RPS6KA2: variants seen among roughly 807,000 people sequenced by gnomAD.
RPS6KA2 encodes ribosomal protein S6 kinase A2.
A neutral mutation model predicts 91.8 loss-of-function variants in RPS6KA2; 42 were observed. The ratio of observed to expected loss-of-function variants is 0.46; its 90% confidence interval spans 0.36 to 0.59. The LOEUF is 0.59. Among genes scored for constraint, RPS6KA2 ranks in the 20% least tolerant of loss-of-function variants. The probability of loss-of-function intolerance (pLI) is 0.00; values close to 1 mark genes in which losing one functional copy is unlikely to be tolerated. For synonymous variants in RPS6KA2, 414 were observed against 393.6 expected (o/e 1.05, Z -0.61); for missense variants, 798 against 978.5 (o/e 0.82, Z 2.46).
intron 2 of RPS6KA2, among the ~76,000 whole-genome samples, chr6:166,802,745 T>A (rs996474203): frequency 6.6e-6 from 1 of 152,110 alleles, no homozygotes; most frequent in Non-Finnish European, 1.5e-5. Flanking sequence ...CGAAACTACA[T>A]CAGAATAAAG....
intron 1 of RPS6KA2, among the ~76,000 whole-genome samples, chr6:166,599,626 C>G (rs1353610638): frequency 2.0e-5 from 3 of 152,128 alleles, no homozygotes; most frequent in Non-Finnish European, 4.4e-5. Flanking sequence ...TCTAAAAATA[C>G]CAACCAACAG....
intron 2 of RPS6KA2, among the ~76,000 whole-genome samples, chr6:166,657,887 TTTC>T (rs1788047639): frequency 6.6e-6 from 1 of 152,054 alleles, no homozygotes; most frequent in South Asian, 2.1e-4. Context: ...GGAATTCACT[TTTC>T]TTTCTTTTTT....
In RPS6KA2 at chr6:166,820,244, C is replaced by T. The variant is rs539181366; in HGVS notation, c.123+37956G>A. ...TATGCTGTTACCTGTGCAGGTAAAACTGCCCCACCCACCGACCAGCCTCCC... is the reference window on the plus strand; with the variant it reads ...TATGCTGTTACCTGTGCAGGTAAAATTGCCCCACCCACCGACCAGCCTCCC... On this transcript the variant is annotated intron_variant, in intron 2 of 21. Transcript: ENST00000503859. 2.6e-5 allele frequency among the ~76,000 whole-genome samples: 4 copies of T among 152,278 alleles called. No individual in the cohort carries two copies. The East Asian group carries it at 7.7e-4, about 29-fold the overall frequency.
chr6:166,483,160 G>A (rs984617210), intron 10 of RPS6KA2, among the ~76,000 whole-genome samples: 2 of 152,218 alleles, frequency 1.3e-5, no homozygotes, highest in Non-Finnish European at 2.9e-5. Flanking sequence ...CACCTGGGAC[G>A]TCTATGTGTG....
At chr6:166,710,112 T>A (rs1789799421) in intron 2 of RPS6KA2, among the ~76,000 whole-genome samples, 1 of 152,244 alleles carries the variant, frequency 6.6e-6, no homozygotes, top group African/African-American at 2.4e-5. Flanking sequence ...TTTTTCCCTA[T>A]CCTTACAAAT....
At chr6:166,565,359 T>A (rs550612660) in intron 1 of RPS6KA2, among the ~76,000 whole-genome samples, 4 of 152,296 alleles carry the variant, frequency 2.6e-5, no homozygotes, top group South Asian at 2.1e-4. Flanking sequence ...TTCAGCCATT[T>A]CTCCAGCTTC....
intron 1 of RPS6KA2, among the ~76,000 whole-genome samples, chr6:166,573,774 G>A (rs1784758827): frequency 6.6e-6 from 1 of 152,186 alleles, no homozygotes; most frequent in Non-Finnish European, 1.5e-5. Flanking sequence ...GAAACAGTCT[G>A]GGAACTTCCC....
chr6:166,696,386 C>G (rs1398329262), intron 2 of RPS6KA2, among the ~76,000 whole-genome samples: 1 of 152,176 alleles, frequency 6.6e-6, no homozygotes, highest in Non-Finnish European at 1.5e-5. Context: ...AAGTTTATCT[C>G]TATCCTGGAC....
chr6:166,560,999 T>C (rs1260712092), intron 1 of RPS6KA2, among the ~76,000 whole-genome samples: 1 of 151,976 alleles, frequency 6.6e-6, no homozygotes, highest in Non-Finnish European at 1.5e-5. Context: ...TCCACACCCC[T>C]ACTAAATAAA....
At chr6:166,736,688 G>A (rs1194856612) in intron 2 of RPS6KA2, among the ~76,000 whole-genome samples, 1 of 152,152 alleles carries the variant, frequency 6.6e-6, no homozygotes. Context: ...CTGCATCCAT[G>A]AGGCTGGCCG....
rs569622492 is a variant in RPS6KA2 at position 166,793,451 on chromosome 6, G to A, written c.123+64749C>T. Among the ~76,000 whole-genome samples, 507 of 150,408 alleles carry A rather than the reference G, an allele frequency of 3.4e-3. 2 individuals carry two copies. Among genetic ancestry groups the A allele is most frequent in the African/African-American group, 0.012 (493 of 40,640 alleles). On this transcript the variant is annotated intron_variant, in intron 2 of 21. Transcript: ENST00000503859. Reference sequence around the variant, plus strand: ...GCCCAAGGTGATTTATAGATTCAATGCCATCCCCATCAAGCTACCAATGAC... The same window carrying A: ...GCCCAAGGTGATTTATAGATTCAATACCATCCCCATCAAGCTACCAATGAC...
rs1781765301 is a variant in RPS6KA2, at chr6:166,495,801, A to G, written c.747+2707T>C. ...GGAGTGCTGAGAAGACACCGAAGCCAGAGCCACCAGCCAGAGCCACCAACC... is the reference window on the plus strand; with the variant it reads ...GGAGTGCTGAGAAGACACCGAAGCCGGAGCCACCAGCCAGAGCCACCAACC... On this transcript the variant is annotated intron_variant, in intron 8 of 20. Transcript: ENST00000265678. This position sits in a 1 kb window ranked among gnomAD's most constrained non-coding sequence, Gnocchi z 4.4. Among the ~76,000 whole-genome samples, 1 of 152,190 alleles carries G rather than the reference A, an allele frequency of 6.6e-6. No homozygotes were observed.
chr6:166,487,017 G>T (rs936019306), intron 10 of RPS6KA2, among the ~76,000 whole-genome samples: 1 of 152,240 alleles, frequency 6.6e-6, no homozygotes, highest in Non-Finnish European at 1.5e-5. Flanking sequence ...TTGATTCAAT[G>T]ATTTCCTTAT....
chr6:166,694,362 G>T (rs558508509), intron 2 of RPS6KA2, among the ~76,000 whole-genome samples: 200 of 152,346 alleles, frequency 1.3e-3, no homozygotes, highest in Non-Finnish European at 2.0e-3. Flanking sequence ...TTGTTTAGAA[G>T]ACTCTGTAGT....
At chr6:166,511,121 C>G (rs920485602) in intron 3 of RPS6KA2, among the ~76,000 whole-genome samples, 1 of 152,284 alleles carries the variant, frequency 6.6e-6, no homozygotes, top group African/African-American at 2.4e-5. Flanking sequence ...CTCACCCTCT[C>G]TGTGTGATGC....
chr6:166,634,845 G>A (rs377042405), intron 2 of RPS6KA2, among the ~76,000 whole-genome samples: 53 of 152,096 alleles, frequency 3.5e-4, no homozygotes, highest in African/African-American at 6.0e-4. Flanking sequence ...CAAGTGGTCC[G>A]CCCACCTCAG....
chr6:166,776,488 C>T (rs777144566), intron 2 of RPS6KA2, among the ~76,000 whole-genome samples: 30 of 152,162 alleles, frequency 2.0e-4, no homozygotes, highest in Non-Finnish European at 4.3e-4. Flanking sequence ...GATGAGGTGG[C>T]GTTTAGTGCA....
chr6:166,817,308 G>A (rs971569133), intron 2 of RPS6KA2, among the ~76,000 whole-genome samples: 41 of 152,116 alleles, frequency 2.7e-4, no homozygotes, highest in Admixed American at 1.8e-3. Flanking sequence ...GCTTAGTCTG[G>A]CAATTATGTG....
chr6:166,835,333 T>G (rs1780290575), intron 2 of RPS6KA2, among the ~76,000 whole-genome samples: 2 of 152,226 alleles, frequency 1.3e-5, no homozygotes, highest in South Asian at 4.1e-4. Flanking sequence ...CTGTGGAGAT[T>G]TTGATTGGTG....
Sources: gnomAD v4.1 joint callset for allele counts (sites outside exome capture counted in the v4.1 genomes callset) on GRCh38, gnomAD v4.1.1 for gene constraint, Gnocchi (gnomAD v3.1) non-coding constraint, MANE v1.5 for transcripts, NCBI Gene and HGNC (gene_info 2026-07-23, HGNC 2026-07-21) for gene names.